OPCML: variants seen among roughly 807,000 people sequenced by gnomAD.
The protein encoded by OPCML is opioid binding protein/cell adhesion molecule like, also known as opioid-binding protein/cell adhesion molecule.
In OPCML, 13 loss-of-function variants were observed where a neutral mutation model predicts 37.8. That is an observed-to-expected ratio of 0.34 (90% CI 0.22 to 0.55). The LOEUF (loss-of-function observed/expected upper bound fraction) is 0.55. Ranked by LOEUF, OPCML falls within the 20% of genes least tolerant of loss-of-function variation. The probability of loss-of-function intolerance (pLI) is 0.91; values close to 1 mark genes in which losing one functional copy is unlikely to be tolerated. For missense variants in OPCML, 341 were observed against 435.6 expected, an observed-to-expected ratio of 0.78 and a Z score of 1.93; for synonymous variants, 176 against 168.8, an observed-to-expected ratio of 1.04 and a Z score of -0.33.
chr11:132,978,595 G>A (rs1384342608), intron 1 of OPCML, among the ~76,000 whole-genome samples: 1 of 152,104 alleles, frequency 6.6e-6, no homozygotes, highest in African/African-American at 2.4e-5. Context: ...TACGAATAAA[G>A]GATATTTCTA....
chr11:132,493,475 C>T (rs926237326), intron 4 of OPCML, among the ~76,000 whole-genome samples: 5 of 152,102 alleles, frequency 3.3e-5, no homozygotes, highest in Non-Finnish European at 4.4e-5. Flanking sequence ...TTATGATTTC[C>T]TTCTCCCTAG....
chr11:132,936,226 G>T (rs544606264), intron 2 of OPCML, among the ~76,000 whole-genome samples: 1 of 152,150 alleles, frequency 6.6e-6, no homozygotes, highest in East Asian at 1.9e-4. Flanking sequence ...GATGTGTTTG[G>T]TTTATTTCTG....
chr11:132,614,470 G>A (rs759691867), intron 3 of OPCML, among the ~76,000 whole-genome samples: 44 of 152,172 alleles, frequency 2.9e-4, no homozygotes, highest in East Asian at 1.7e-3. Flanking sequence ...TTCCTCTTCC[G>A]TCCCTCTGCG....
rs144077267 is a variant in OPCML at position 133,082,268 on chromosome 11, C to T, written c.62-139258G>A. 4.4e-3 allele frequency among the ~76,000 whole-genome samples: 668 copies of T among 151,782 alleles called. 7 individuals are homozygous for T. Among genetic ancestry groups the T allele is most frequent in the African/African-American group, 0.016 (649 of 41,426 alleles). On this transcript the variant is annotated intron_variant, in intron 1 of 7. Coordinates refer to ENST00000524381, the MANE Select transcript of OPCML (RefSeq NM_001012393.5). The stretch of plus-strand genomic sequence containing the variant: ...AGCCCCTGGAAGCCACCAGCTCCCG[C>T]GCTGGAGTCTTGGGGCCTTGGGTAG...
chr11:133,051,887 T>G (rs956949510), intron 1 of OPCML, among the ~76,000 whole-genome samples: 4 of 152,184 alleles, frequency 2.6e-5, no homozygotes, highest in Admixed American at 2.6e-4. Flanking sequence ...CAGAAGCAAA[T>G]ATACCCCAAA....
intron 2 of OPCML, among the ~76,000 whole-genome samples, chr11:132,686,782 A>G (rs1943175393): frequency 6.6e-6 from 1 of 152,144 alleles, no homozygotes; most frequent in South Asian, 2.1e-4. Context: ...TGATGTTTCG[A>G]ATGCCCTATT....
intron 2 of OPCML, among the ~76,000 whole-genome samples, chr11:132,906,370 T>A (rs1944241077): frequency 6.6e-6 from 1 of 152,212 alleles, no homozygotes; most frequent in Admixed American, 6.5e-5. Flanking sequence ...CTTTAGGGCC[T>A]ATGAACAGTC....
intron 1 of OPCML, among the ~76,000 whole-genome samples, chr11:133,091,118 G>T (rs1245956121): frequency 6.6e-6 from 1 of 152,212 alleles, no homozygotes; most frequent in East Asian, 1.9e-4. Flanking sequence ...TTCCCCAGCT[G>T]TGGCTCAAGT....
chr11:133,190,415 C>T (rs1869444), intron 1 of OPCML, among the ~76,000 whole-genome samples: 21,271 of 152,102 alleles, frequency 0.14, 1,747 homozygotes, highest in African/African-American at 0.22. Context: ...CTCTCTTTCC[C>T]TCCCTCCCTC....
intron 3 of OPCML, among the ~76,000 whole-genome samples, chr11:132,623,480 T>A (rs1939552276): frequency 6.6e-6 from 1 of 152,232 alleles, no homozygotes; most frequent in Non-Finnish European, 1.5e-5. Context: ...ATTTTATTGC[T>A]TCTACAAATT....
At chr11:133,287,198 A>G (rs1942322532) in intron 1 of OPCML, among the ~76,000 whole-genome samples, 1 of 152,106 alleles carries the variant, frequency 6.6e-6, no homozygotes, top group African/African-American at 2.4e-5. Context: ...AAAAAGATAA[A>G]GTAAAATTAT....
intron 4 of OPCML, among the ~76,000 whole-genome samples, chr11:132,486,421 T>A (rs1437331577): frequency 6.6e-6 from 1 of 152,048 alleles, no homozygotes; most frequent in African/African-American, 2.4e-5. Context: ...TTAAAAAAAA[T>A]GCATTTTGAA....
chr11:133,118,176 T>G (rs1168257562), intron 1 of OPCML: 1 of 936,598 alleles, frequency 1.1e-6, no homozygotes, highest in East Asian at 1.2e-4. Flanking sequence ...AAAGTGGTAG[T>G]GCAGTGCCTG....
At chr11:133,255,255 G>A (rs566299205) in intron 1 of OPCML, among the ~76,000 whole-genome samples, 7 of 152,198 alleles carry the variant, frequency 4.6e-5, no homozygotes, top group Admixed American at 3.3e-4. Context: ...ACTTAAATAC[G>A]AATGTCTCCA....
rs11223288 is a variant in OPCML at position 132,938,080 on chromosome 11, A to G, written c.146+4846T>C. ...ATCCCAGGATCATATTTTGAAGACA[A>G]TAAAATTGTTTAGATATAAGGGTTT... is the stretch of plus-strand genomic sequence containing the variant. On this transcript the variant is annotated intron_variant, in intron 2 of 7. Transcript: ENST00000524381. 5.9e-3 allele frequency among the ~76,000 whole-genome samples: 905 copies of G among 152,126 alleles called. 3 individuals carry two copies. Among genetic ancestry groups the G allele is most frequent in the Non-Finnish European group, 9.4e-3 (642 of 68,008 alleles).
At chr11:132,858,509 G>A (rs189908325) in intron 2 of OPCML, among the ~76,000 whole-genome samples, 6 of 152,314 alleles carry the variant, frequency 3.9e-5, no homozygotes, top group South Asian at 2.1e-4. Context: ...GGAGTGACCC[G>A]TGTGGAGAGG....
At chr11:132,846,198 G>A (rs956412253) in intron 2 of OPCML, among the ~76,000 whole-genome samples, 2 of 152,170 alleles carry the variant, frequency 1.3e-5, no homozygotes, top group African/African-American at 4.8e-5. Flanking sequence ...ATAGTGTCTA[G>A]GCTTACAAGT....
chr11:133,409,080 G>C (rs1048543425), intron 1 of OPCML, among the ~76,000 whole-genome samples: 1 of 152,182 alleles, frequency 6.6e-6, no homozygotes, highest in Non-Finnish European at 1.5e-5. Context: ...GCAGCTGTGA[G>C]GGGGACGAGC....
chr11:133,471,686 G>A (rs995852577), intron 1 of OPCML, among the ~76,000 whole-genome samples: 2 of 152,152 alleles, frequency 1.3e-5, no homozygotes, highest in African/African-American at 2.4e-5. Flanking sequence ...CATATTTTAC[G>A]GACTACTTGA....
Sources: allele counts gnomAD v4.1 joint callset (sites outside exome capture counted in the v4.1 genomes callset), GRCh38; gene constraint gnomAD v4.1.1; transcripts MANE v1.5; gene names NCBI Gene and HGNC (gene_info 2026-07-23, HGNC 2026-07-21).